Variants in TMLHE observed in about 807,000 individuals in gnomAD.
TMLHE encodes trimethyllysine hydroxylase, epsilon.
In TMLHE, 18 loss-of-function variants were observed where a neutral mutation model predicts 25.7. The ratio of observed to expected loss-of-function variants is 0.70; its 90% CI spans 0.48 to 1.04. The LOEUF (loss-of-function observed/expected upper bound fraction) is 1.04, where lower values mean the gene tolerates loss of function less well. Among genes scored for constraint, TMLHE ranks in the 50% least tolerant of loss-of-function variants. TMLHE has a pLI of 0.00. For missense variants in TMLHE, 236 were observed against 259.0 expected, an observed-to-expected ratio of 0.91 and a Z score of 0.61; for synonymous variants, 105 against 97.0, an observed-to-expected ratio of 1.08 and a Z score of -0.49.
chrX:155,587,215 G>T (rs1165346612), intron 1 of TMLHE, among the ~76,000 whole-genome samples: 1 of 111,993 alleles, frequency 8.9e-6, no homozygotes, highest in African/African-American at 3.2e-5. Flanking sequence ...TTCAACATAT[G>T]TAAACCAATA....
At chrX:155,525,607 G>A (rs782750253) in intron 2 of TMLHE, among the ~76,000 whole-genome samples, 1 of 112,075 alleles carries the variant, frequency 8.9e-6, no homozygotes, top group African/African-American at 3.2e-5. Context: ...GGGCTCAGAA[G>A]AAGACAGAAA....
rs370981833 is a variant in TMLHE at position 155,510,232 on chromosome X, TTTTTATTTTA to T, written c.758+1431_758+1440del. Among the ~76,000 whole-genome samples the T allele has an allele frequency of 9.0e-3, 893 of 99,205 alleles. 10 individuals are homozygous for T. The highest frequency in any genetic ancestry group is 0.029 in the African/African-American group (823 of 28,357). 86.1% of individuals were successfully genotyped at this position (99,205 alleles called of 115,157 possible). Reference sequence around the variant, plus strand: ...CATTTATATAGTAAGATGAGTTTTCTTTTTATTTTATTTTATTTTATTTTATTTTATTATA... The same window carrying T: ...CATTTATATAGTAAGATGAGTTTTCTTTTTATTTTATTTTATTTTATTATA... On this transcript the variant is annotated intron_variant, in intron 5 of 7. Coordinates refer to ENST00000334398, the MANE Select transcript of TMLHE (RefSeq NM_018196.4).
In TMLHE at chrX:155,597,081, A is replaced by G. The variant is rs1490203208; in HGVS notation, c.-2+15711T>C. On this transcript the variant is annotated intron_variant, in intron 1 of 7. Transcript: ENST00000334398. ...GTGTGATGTTCCCCTTCCTGTGTCC[A>G]TGTGTTCTCATTGTTCAATTCCCAC... 7.4e-5 allele frequency among the ~76,000 whole-genome samples: 6 copies of G among 81,519 alleles called. No homozygotes were observed. In the East Asian group the frequency reaches 2.5e-3, roughly 34 times the overall value. The allele number at this position is 81,519 out of a possible 115,157, so 70.8% of individuals were successfully genotyped here.
chrX:155,602,314 T>A (rs1330828247), intron 1 of TMLHE, among the ~76,000 whole-genome samples: 1 of 111,668 alleles, frequency 9.0e-6, no homozygotes, highest in East Asian at 2.8e-4. Flanking sequence ...AACCACATGA[T>A]CATTTCAATA....
intron 2 of TMLHE, among the ~76,000 whole-genome samples, chrX:155,544,007 C>G (rs1245979032): frequency 9.0e-6 from 1 of 111,663 alleles, no homozygotes; most frequent in Admixed American, 9.5e-5. Context: ...GACAGGCTGT[C>G]TCTTGCAGCT....
intron 5 of TMLHE, among the ~76,000 whole-genome samples, chrX:155,507,743 C>T (rs1298973174): frequency 9.1e-6 from 1 of 110,336 alleles, no homozygotes; most frequent in Non-Finnish European, 1.9e-5. Context: ...CAGAGAACCA[C>T]AAAATGATTT....
chrX:155,511,192 T>C (rs1244158127), intron 5 of TMLHE, among the ~76,000 whole-genome samples: 11 of 111,333 alleles, frequency 9.9e-5, no homozygotes, highest in Non-Finnish European at 2.1e-4. Flanking sequence ...GGTGGATAAC[T>C]GATGGCTTGG....
At chrX:155,568,961 A>C (rs2067528203) in intron 1 of TMLHE, among the ~76,000 whole-genome samples, 1 of 62,506 alleles carries the variant, frequency 1.6e-5, no homozygotes, top group African/African-American at 3.6e-5. Context: ...GTTCCTCACC[A>C]GCAACGGAAC....
In TMLHE at chrX:155,534,426, G is replaced by T. The variant is rs1335442488; in HGVS notation, c.182-9794C>A. ...TTTTTGTATTTTTAGTAGAAACAAG[G>T]TTTTGCTGTGTTGGTCAGGCTGGTC... On this transcript the variant is annotated intron_variant, in intron 2 of 7. Coordinates refer to ENST00000334398, the MANE Select transcript of TMLHE (RefSeq NM_018196.4). Among the ~76,000 whole-genome samples, 3 of 111,443 alleles carry T rather than the reference G, an allele frequency of 2.7e-5. No individual in the cohort carries two copies. In the East Asian group the frequency reaches 8.5e-4, roughly 32 times the overall value.
chrX:155,597,526 G>A (rs782389460), intron 1 of TMLHE, among the ~76,000 whole-genome samples: 105 of 111,773 alleles, frequency 9.4e-4, no homozygotes, highest in African/African-American at 3.2e-3. Flanking sequence ...AAATCATGCT[G>A]CTATAAAGAC....
intron 6 of TMLHE, among the ~76,000 whole-genome samples, chrX:155,506,487 T>C (rs1383587314): frequency 2.7e-5 from 3 of 111,430 alleles, no homozygotes; most frequent in Non-Finnish European, 3.8e-5. Flanking sequence ...GAATATGATA[T>C]GTTTTATATT....
At chrX:155,559,663 A>C (rs1017003527) in intron 1 of TMLHE, among the ~76,000 whole-genome samples, 1 of 112,328 alleles carries the variant, frequency 8.9e-6, no homozygotes, top group African/African-American at 3.2e-5. Flanking sequence ...CTAAGGAAGA[A>C]GCATTACCTC....
At chrX:155,529,558 G>A (rs1234340947) in intron 2 of TMLHE, among the ~76,000 whole-genome samples, 3 of 111,164 alleles carry the variant, frequency 2.7e-5, no homozygotes, top group African/African-American at 9.8e-5. Flanking sequence ...GTGTCAGGTG[G>A]TATATCAGAG....
intron 5 of TMLHE, among the ~76,000 whole-genome samples, chrX:155,511,112 C>G (rs1399968699): frequency 1.8e-5 from 2 of 111,386 alleles, no homozygotes; most frequent in Non-Finnish European, 3.8e-5. Context: ...TTATCCCCAC[C>G]AAAATCTCAT....
chrX:155,526,324 C>T (rs181553436), intron 2 of TMLHE, among the ~76,000 whole-genome samples: 2 of 113,056 alleles, frequency 1.8e-5, no homozygotes, highest in African/African-American at 6.4e-5. Flanking sequence ...TGGGCCATTG[C>T]TTCAGAGGAT....
chrX:155,530,350 C>A (rs1178163945), intron 2 of TMLHE, among the ~76,000 whole-genome samples: 2 of 110,415 alleles, frequency 1.8e-5, no homozygotes, highest in Admixed American at 9.7e-5. Context: ...TCATTTGTAT[C>A]CGGAATCTTA....
chrX:155,593,459 C>G (rs1444952734), intron 1 of TMLHE, among the ~76,000 whole-genome samples: 1 of 111,917 alleles, frequency 8.9e-6, no homozygotes, highest in African/African-American at 3.3e-5. Flanking sequence ...CCAAAGAACT[C>G]CTGTAAAGGT....
intron 3 of TMLHE, 199 bp downstream of exon 3, chrX:155,524,244 CATTAAGTCTCACT>C (rs1200518130): frequency 3.3e-6 from 1 of 304,191 alleles, no homozygotes; most frequent in African/African-American, 2.7e-5. Context: ...AGAGGGAAAG[CATTAAGTCTCACT>C]ATTAAGTATA....
At chrX:155,595,994 G>A (rs1376521658) in intron 1 of TMLHE, among the ~76,000 whole-genome samples, 1 of 111,525 alleles carries the variant, frequency 9.0e-6, no homozygotes, top group Non-Finnish European at 1.9e-5. Flanking sequence ...TATGAACAAG[G>A]TTTTAATGTT....
Sources: allele counts gnomAD v4.1 joint callset (sites outside exome capture counted in the v4.1 genomes callset), GRCh38; gene constraint gnomAD v4.1.1; transcripts MANE v1.5; gene names NCBI Gene and HGNC (gene_info 2026-07-23, HGNC 2026-07-21).